The following EPG5 variants were observed in gnomAD, a reference collection of about 807,000 sequenced individuals.
The protein encoded by EPG5 is ectopic P-granules 5 autophagy tethering factor, also known as ectopic P granules protein 5 homolog.
A neutral mutation model predicts 302.7 loss-of-function variants in EPG5; 159 were observed. The ratio of observed to expected loss-of-function variants is 0.53; its 90% confidence interval spans 0.46 to 0.60. The LOEUF (loss-of-function observed/expected upper bound fraction) is 0.60. EPG5 is among the 20% of genes least tolerant of loss of function. EPG5 has a pLI of 0.00. For synonymous variants in EPG5, 1,158 were observed against 1,136.8 expected (o/e 1.02, Z -0.37); for missense variants, 2,896 against 3,092.4 (o/e 0.94, Z 1.51).
intron 29 of EPG5, among the ~76,000 whole-genome samples, chr18:45,885,940 T>C (rs1230576035): frequency 6.6e-6 from 1 of 152,202 alleles, no homozygotes; most frequent in African/African-American, 2.4e-5. Flanking sequence ...TGAAAAGGCA[T>C]ATAACTTAAC....
intron 34 of EPG5, among the ~76,000 whole-genome samples, chr18:45,876,730 A>C (rs1422006029): frequency 6.6e-6 from 1 of 152,172 alleles, no homozygotes; most frequent in Non-Finnish European, 1.5e-5. Flanking sequence ...AAAAAAATCA[A>C]ATTCACATAA....
At chr18:45,817,820 A>G in the EPG5 span, among the ~76,000 whole-genome samples, 1 of 152,212 alleles carries the variant, frequency 6.6e-6, no homozygotes, top group Admixed American at 6.5e-5. Flanking sequence ...CATTTCTGCC[A>G]TATTCTATTC....
At chr18:45,908,948 C>CA (rs200257740) in intron 23 of EPG5, among the ~76,000 whole-genome samples, 5,613 of 114,314 alleles carry the variant, frequency 0.049, 274 homozygotes, top group African/African-American at 0.15. Context: ...GACTCTGCCT[C>CA]AAAAAAAAAA....
chr18:45,952,760 T>C (rs568467568), intron 2 of EPG5, 117 bp from the exon 3 acceptor site: 657 of 1,066,454 alleles, frequency 6.2e-4, no homozygotes, highest in Non-Finnish European at 8.4e-4. Flanking sequence ...CTTATAATCA[T>C]GGTGAGGAGA....
chr18:45,941,961 T>C (rs1316994019), intron 9 of EPG5, among the ~76,000 whole-genome samples: 1 of 152,112 alleles, frequency 6.6e-6, no homozygotes, highest in Non-Finnish European at 1.5e-5. Context: ...CAGTAGCTCA[T>C]GGCTGTAATC....
chr18:45,807,541 T>C, the EPG5 span, among the ~76,000 whole-genome samples: 1 of 152,190 alleles, frequency 6.6e-6, no homozygotes, highest in African/African-American at 2.4e-5. Flanking sequence ...CCACAGACGG[T>C]TCACATCACA....
At chr18:45,838,736 A>G in the EPG5 span, 1 of 1,577,446 alleles carries the variant, frequency 6.3e-7, no homozygotes. Context: ...CGGATCGTCA[A>G]CATCTCGGTG....
the EPG5 span, chr18:45,838,501 G>A: frequency 4.6e-6 from 3 of 656,856 alleles, no homozygotes; most frequent in Non-Finnish European, 7.2e-6. Context: ...ACCTCTTAAG[G>A]CAACTGCTAT....
the EPG5 span, among the ~76,000 whole-genome samples, chr18:45,807,891 C>A: frequency 6.6e-6 from 1 of 151,966 alleles, no homozygotes; most frequent in African/African-American, 2.4e-5. Context: ...CCCTGATTTA[C>A]CTGAAAAAGA....
the EPG5 span, among the ~76,000 whole-genome samples, chr18:45,805,385 A>G: frequency 6.6e-6 from 1 of 150,444 alleles, no homozygotes; most frequent in Admixed American, 6.7e-5. Context: ...TGCAACTTTT[A>G]TGTAAATCTA....
At chr18:45,921,121 T>C (rs761478008) in intron 16 of EPG5, among the ~76,000 whole-genome samples, 18 of 152,212 alleles carry the variant, frequency 1.2e-4, no homozygotes, top group African/African-American at 3.6e-4. Flanking sequence ...TTATATTCTA[T>C]AGTACTGCCG....
chr18:45,832,046 C>T, the EPG5 span, among the ~76,000 whole-genome samples: 11 of 152,216 alleles, frequency 7.2e-5, no homozygotes, highest in African/African-American at 2.7e-4. Flanking sequence ...ATCTTAACCC[C>T]CTGTGGCATC....
At chr18:45,929,380 T>C (rs2050349509) in intron 12 of EPG5, among the ~76,000 whole-genome samples, 2 of 152,222 alleles carry the variant, frequency 1.3e-5, no homozygotes, top group Non-Finnish European at 2.9e-5. Flanking sequence ...TAGCTTCCCC[T>C]ACAGAATAAG....
chr18:45,901,142 C>T lies in EPG5; in HGVS notation c.4500G>A (p.Leu1500=). Reference sequence around the variant, plus strand: ...GAGGCTGGGGAGCCTCATGCTTCCGCAAGTTACTTAAAACCCTTTCTTTAG... The same window carrying T: ...GAGGCTGGGGAGCCTCATGCTTCCGTAAGTTACTTAAAACCCTTTCTTTAG... ...LLAKERVLSN[L]RKHEAPQPPL... The change falls in exon 26 of 44, where the codon TTG becomes TTA. Residue 1500 remains leucine (L), a synonymous_variant. Coordinates refer to ENST00000282041, the MANE Select transcript of EPG5 (RefSeq NM_020964.3). 1 of 1,614,098 alleles carries T rather than the reference C, an allele frequency of 6.2e-7. No individual in the cohort carries two copies. The highest frequency in any genetic ancestry group is 1.1e-5 in the South Asian group (1 of 91,068).
Position 45,952,493 on chromosome 18 carries a change from C to A in EPG5, c.1159G>T (p.Val387Leu), listed in dbSNP as rs2050933276. ...GACTCCACTTGCAATCTTGAGAGCA[C>A]AGAAGTATAAGAATGAAGGGCCAGG... is the stretch of plus-strand genomic sequence containing the variant. ...QTLALHSYTS[V>L]LSRLQVESYI... Residue 387 changes from valine to leucine, a missense_variant, in exon 3 of 44, where the codon GTG becomes TTG. Physicochemically the swap from Val to Leu is conservative, Grantham distance 32 (BLOSUM62 1). Transcript: ENST00000282041. The A allele has an allele frequency of 1.9e-6, 3 of 1,614,050 alleles. No homozygotes were observed. Among genetic ancestry groups the A allele is most frequent in the Non-Finnish European group, 2.5e-6 (3 of 1,180,032 alleles).
chr18:45,901,416 T>A (rs2049615023), intron 25 of EPG5, among the ~76,000 whole-genome samples: 1 of 152,188 alleles, frequency 6.6e-6, no homozygotes, highest in Non-Finnish European at 1.5e-5. Context: ...GTGGATCTAG[T>A]GAACACCTCT....
intron 1 of EPG5, among the ~76,000 whole-genome samples, chr18:45,959,775 T>C (rs1417790346): frequency 1.4e-5 from 2 of 145,820 alleles, no homozygotes; most frequent in African/African-American, 5.1e-5. Flanking sequence ...AGGTGAGGAG[T>C]TCAAGACCAG....
intron 6 of EPG5, among the ~76,000 whole-genome samples, chr18:45,947,449 G>A (rs1427200914): frequency 1.3e-5 from 2 of 152,034 alleles, no homozygotes; most frequent in Admixed American, 6.6e-5. Flanking sequence ...GGCTTGTTTA[G>A]GGCCAAAACA....
the EPG5 span, among the ~76,000 whole-genome samples, chr18:45,810,678 A>T: frequency 6.6e-6 from 1 of 152,020 alleles, no homozygotes; most frequent in Non-Finnish European, 1.5e-5. Flanking sequence ...CTACTCAGGA[A>T]GCTGAGACAG....
Sources: allele counts gnomAD v4.1 joint callset (sites outside exome capture counted in the v4.1 genomes callset), GRCh38; gene constraint gnomAD v4.1.1; transcripts MANE v1.5; gene names NCBI Gene and HGNC (gene_info 2026-07-23, HGNC 2026-07-21).